The following WDFY3 variants were observed in gnomAD, a reference collection of about 807,000 sequenced individuals.
WDFY3 encodes WD repeat and FYVE domain-containing protein 3.
Under a neutral mutation model 409.6 loss-of-function variants are expected in WDFY3, and 66 were observed. The observed-to-expected ratio is 0.16, with a 90% confidence interval of 0.13 to 0.20. The LOEUF (loss-of-function observed/expected upper bound fraction) is 0.20. Among genes scored for constraint, WDFY3 ranks in the 10% least tolerant of loss-of-function variants. WDFY3 has a pLI of 1.00. For missense variants in WDFY3, 3,031 were observed against 4,298.1 expected, an observed-to-expected ratio of 0.71 and a Z score of 8.24; for synonymous variants, 1,521 against 1,537.1, an observed-to-expected ratio of 0.99 and a Z score of 0.25.
At chr4:84,799,338 A>T (rs12508360) in intron 17 of WDFY3, among the ~76,000 whole-genome samples, 32,677 of 142,546 alleles carry the variant, frequency 0.23, 4,006 homozygotes, top group Middle Eastern at 0.3. Context: ...ATATATATAT[A>T]TTTTTTTTTT....
At chr4:84,895,720 C>T (rs1297594339) in intron 3 of WDFY3, among the ~76,000 whole-genome samples, 1 of 152,002 alleles carries the variant, frequency 6.6e-6, no homozygotes, top group East Asian at 1.9e-4. Context: ...AAAGGCAGTG[C>T]CAGTAGAGGT....
chr4:84,785,921 C>CTGAG, intron 24 of WDFY3, 58 bp downstream of exon 24: 1 of 1,588,542 alleles, frequency 6.3e-7, no homozygotes, highest in Non-Finnish European at 8.6e-7. Context: ...ATATGAGACT[C>CTGAG]TGAGACATGT....
chr4:84,838,656 C>T (rs1193695270), intron 6 of WDFY3, among the ~76,000 whole-genome samples: 1 of 152,180 alleles, frequency 6.6e-6, no homozygotes, highest in Non-Finnish European at 1.5e-5. Context: ...CCCCTTTCTA[C>T]ATACCCAACA....
chr4:84,905,187 T>C (rs1470884257), intron 2 of WDFY3, among the ~76,000 whole-genome samples: 1 of 151,996 alleles, frequency 6.6e-6, no homozygotes, highest in African/African-American at 2.4e-5. Flanking sequence ...AATACAAAAA[T>C]TAGCTGGCCA....
At chr4:84,862,229 G>A (rs1760741602) in intron 3 of WDFY3, among the ~76,000 whole-genome samples, 1 of 152,184 alleles carries the variant, frequency 6.6e-6, no homozygotes, top group South Asian at 2.1e-4. Context: ...CTCATCACAG[G>A]TGAAGAGGAG....
At chr4:84,886,235 T>C (rs1305347374) in intron 3 of WDFY3, among the ~76,000 whole-genome samples, 2 of 152,180 alleles carry the variant, frequency 1.3e-5, no homozygotes, top group East Asian at 3.9e-4. Context: ...GCAATACTTC[T>C]GAATTTAGTT....
At chr4:84,938,331 A>G (rs140748998) in intron 1 of WDFY3, among the ~76,000 whole-genome samples, 75 of 152,340 alleles carry the variant, frequency 4.9e-4, no homozygotes, top group African/African-American at 1.7e-3. Flanking sequence ...AATCATTCTA[A>G]AATTTCTTCA....
intron 67 of WDFY3, among the ~76,000 whole-genome samples, chr4:84,674,149 T>G (rs1054403991): frequency 6.6e-6 from 1 of 152,222 alleles, no homozygotes; most frequent in African/African-American, 2.4e-5. Flanking sequence ...CCAATAAAGC[T>G]TCCATCCAAC....
rs1725623227 is a variant in WDFY3 at position 84,672,814 on chromosome 4, G to A, written c.*54C>T. The A allele has an allele frequency of 2.5e-6, 4 of 1,602,664 alleles. No individual in the cohort carries two copies. The highest frequency in any genetic ancestry group is 2.7e-5 in the African/African-American group (2 of 74,418). On this transcript the variant is annotated 3_prime_UTR_variant, in exon 68 of 68. Coordinates refer to ENST00000295888, the MANE Select transcript of WDFY3 (RefSeq NM_014991.6). ...TTTCAATGCCTTCCAAGCTGGGACA[G>A]GAGAATCGGGAAGGGGTCTACAGAC...
intron 4 of WDFY3, among the ~76,000 whole-genome samples, chr4:84,860,076 T>C (rs982627110): frequency 6.6e-6 from 1 of 152,172 alleles, no homozygotes; most frequent in Non-Finnish European, 1.5e-5. Flanking sequence ...AATAAAATCA[T>C]CACTTTAACA....
At chr4:84,784,858 G>GTATATATATATATATATATA (rs71670882) in intron 24 of WDFY3, among the ~76,000 whole-genome samples, 2 of 88,990 alleles carry the variant, frequency 2.2e-5, no homozygotes, top group African/African-American at 5.0e-5. Context: ...AAGTGTATAT[G>GTATATATATATATATATATA]TATATATATA....
Position 84,728,684 on chromosome 4 carries a change from A to G in WDFY3, c.7222-1773T>C, listed in dbSNP as rs180877592. Among the ~76,000 whole-genome samples the G allele has an allele frequency of 3.7e-3, 560 of 152,238 alleles. 3 individuals are homozygous for G. Among genetic ancestry groups the G allele is most frequent in the Admixed American group, 9.0e-3 (137 of 15,294 alleles). ...GGCAGGGTCTACTAAGTATACCCTT[A>G]TATTTTTCCTGGTACCATATGATAC... is the stretch of plus-strand genomic sequence containing the variant. On this transcript the variant is annotated intron_variant, in intron 44 of 67. Transcript: ENST00000295888.
Position 84,696,330 on chromosome 4 carries a change from T to C in WDFY3, c.8689-148A>G, listed in dbSNP as rs2148892088. 6 of 724,134 alleles carry C rather than the reference T, an allele frequency of 8.3e-6. No individual in the cohort carries two copies. The East Asian group carries it at 1.3e-4, about 16-fold the overall frequency. 44.9% of individuals were successfully genotyped at this position (724,134 alleles called of 1,614,324 possible). On this transcript the variant is annotated intron_variant, in intron 57 of 67. Coordinates refer to ENST00000295888, the MANE Select transcript of WDFY3 (RefSeq NM_014991.6). ...ATTCCCCTCTTATTTGTGGTTTCAC[T>C]TTCTGAGGTTTCAGTTACCTGCAGT...
intron 3 of WDFY3, among the ~76,000 whole-genome samples, chr4:84,863,562 T>C (rs1470325482): frequency 6.6e-6 from 1 of 152,198 alleles, no homozygotes; most frequent in Non-Finnish European, 1.5e-5. Flanking sequence ...CACTTTTTAA[T>C]CAGGTTATTT....
intron 13 of WDFY3, 101 bp downstream of exon 13, chr4:84,817,291 G>A: frequency 6.9e-7 from 1 of 1,455,542 alleles, no homozygotes; most frequent in Non-Finnish European, 9.4e-7. Flanking sequence ...GGGTAATTTG[G>A]ATTTTTTTTA....
intron 7 of WDFY3, among the ~76,000 whole-genome samples, chr4:84,832,883 A>G (rs1459938410): frequency 6.6e-6 from 1 of 152,122 alleles, no homozygotes; most frequent in Non-Finnish European, 1.5e-5. Flanking sequence ...GCGAAATGTA[A>G]TTTTCTTCTC....
chr4:84,786,495 A>T (rs557157663), intron 23 of WDFY3, among the ~76,000 whole-genome samples: 7 of 152,348 alleles, frequency 4.6e-5, no homozygotes, highest in African/African-American at 1.7e-4. Flanking sequence ...TCAGCCATGT[A>T]GCACTATGTC....
chr4:84,678,513 G>C (rs1466215632), intron 65 of WDFY3, among the ~76,000 whole-genome samples: 1 of 152,206 alleles, frequency 6.6e-6, no homozygotes, highest in African/African-American at 2.4e-5. Flanking sequence ...ATGAGAAGGA[G>C]AAATTTTCAA....
rs1399188576 is a variant in WDFY3 at position 84,924,158 on chromosome 4, C to CA, written c.-132+8111dup. Among the ~76,000 whole-genome samples, 5 of 151,822 alleles carry CA rather than the reference C, an allele frequency of 3.3e-5. 1 individual carries two copies. In the South Asian group the frequency reaches 6.2e-4, roughly 19 times the overall value. The stretch of plus-strand genomic sequence containing the variant: ...AGATTAAAGGAATCTTTTTTCTATA[C>CA]AAAAAAAATAATTGCAATGTTTTAA... On this transcript the variant is annotated intron_variant, in intron 2 of 67. Coordinates refer to ENST00000295888, the MANE Select transcript of WDFY3 (RefSeq NM_014991.6).
Sources: gnomAD v4.1 joint callset for allele counts (sites outside exome capture counted in the v4.1 genomes callset) on GRCh38, gnomAD v4.1.1 for gene constraint, MANE v1.5 for transcripts, NCBI Gene and HGNC (gene_info 2026-07-23, HGNC 2026-07-21) for gene names.